EPB41L4A: variants seen among roughly 807,000 people sequenced by gnomAD.
EPB41L4A encodes the protein band 4.1-like protein 4A.
In EPB41L4A, 100 loss-of-function variants were observed where a neutral mutation model predicts 108.6. The ratio of observed to expected loss-of-function variants is 0.92; its 90% CI spans 0.78 to 1.09. The LOEUF (loss-of-function observed/expected upper bound fraction) is 1.09. EPB41L4A is among the 50% of genes least tolerant of loss of function. The probability of loss-of-function intolerance (pLI) is 0.00; values close to 1 mark genes in which losing one functional copy is unlikely to be tolerated. For missense variants in EPB41L4A, 1,030 were observed against 842.7 expected (o/e 1.22, Z -2.75); for synonymous variants, 319 against 289.0 (o/e 1.10, Z -1.05).
chr5:112,391,150 C>T (rs1404574501), intron 1 of EPB41L4A, among the ~76,000 whole-genome samples: 1 of 152,170 alleles, frequency 6.6e-6, no homozygotes, highest in African/African-American at 2.4e-5. Context: ...ATTCTAAAAA[C>T]TAGAGCGCCT....
At chr5:112,247,218 T>TCC (rs34536373) in intron 9 of EPB41L4A, among the ~76,000 whole-genome samples, 147,851 of 152,258 alleles carry the variant, frequency 0.97, 71,954 homozygotes, top group East Asian at 1. Context: ...CCCACCACTG[T>TCC]CCAATTACCT....
chr5:112,184,147 G>T lies in EPB41L4A; in HGVS notation c.1503-12C>A, dbSNP rs1049682094. 1.9e-6 allele frequency: 3 copies of T among 1,613,612 alleles called. No individual in the cohort carries two copies. The East Asian group carries it at 6.7e-5, about 36-fold the overall frequency. On this transcript the variant is annotated splice_polypyrimidine_tract_variant and intron_variant, in intron 17 of 22. Coordinates refer to ENST00000261486, the MANE Select transcript of EPB41L4A (RefSeq NM_022140.5). The stretch of plus-strand genomic sequence containing the variant: ...TCTCCTGCCGTATTCTGAAAGGAAA[G>T]CCATGCATCTGAAGTTAACATCTAC...
intron 1 of EPB41L4A, among the ~76,000 whole-genome samples, chr5:112,415,713 T>C (rs181580864): frequency 1.3e-5 from 2 of 152,216 alleles, no homozygotes; most frequent in African/African-American, 2.4e-5. Flanking sequence ...AGACCAACCA[T>C]ACCAAATATC....
At chr5:112,266,765 C>T (rs1164164285) in intron 4 of EPB41L4A, among the ~76,000 whole-genome samples, 1 of 152,218 alleles carries the variant, frequency 6.6e-6, no homozygotes, top group Admixed American at 6.5e-5. Context: ...GAAGAAATCA[C>T]AAAGACCCAA....
chr5:112,364,036 C>CATTT (rs1012928163), intron 1 of EPB41L4A, among the ~76,000 whole-genome samples: 8 of 152,200 alleles, frequency 5.3e-5, no homozygotes, highest in East Asian at 3.9e-4. Context: ...TTCATTCATT[C>CATTT]ATTTATTTTT....
At chr5:112,363,657 T>A (rs1758928233) in intron 1 of EPB41L4A, 1 of 152,354 alleles carries the variant, frequency 6.6e-6, no homozygotes, top group Non-Finnish European at 1.5e-5. Flanking sequence ...TTGGGGTCAG[T>A]CTCAGCCACC....
At chr5:112,187,306 C>T (rs2150244212) in intron 17 of EPB41L4A, among the ~76,000 whole-genome samples, 1 of 152,278 alleles carries the variant, frequency 6.6e-6, no homozygotes, top group East Asian at 1.9e-4. Flanking sequence ...GTCAATTTCT[C>T]CATCTGTAAC....
downstream of EPB41L4A, among the ~76,000 whole-genome samples, chr5:112,142,114 T>C (rs566107159): frequency 2.6e-4 from 40 of 152,300 alleles, 1 homozygote; most frequent in Non-Finnish European, 5.1e-4. Context: ...TTGAGTTTCT[T>C]TGGAGAAGGC....
intron 1 of EPB41L4A, among the ~76,000 whole-genome samples, chr5:112,333,311 G>C (rs115204919): frequency 0.014 from 2,072 of 151,994 alleles, 53 homozygotes; most frequent in African/African-American, 0.045. Context: ...TGTCAAAAAG[G>C]GGGGAAGGGA....
At chr5:112,178,192 G>C (rs1159070079) in intron 18 of EPB41L4A, among the ~76,000 whole-genome samples, 2 of 152,284 alleles carry the variant, frequency 1.3e-5, no homozygotes, top group South Asian at 2.1e-4. Context: ...TTATGCGTGT[G>C]CATGTGTAGT....
At chr5:112,150,867 T>C (rs1412549403) in intron 12 of EPB41L4A, among the ~76,000 whole-genome samples, 1 of 152,076 alleles carries the variant, frequency 6.6e-6, no homozygotes, top group African/African-American at 2.4e-5. Context: ...AAAATGAGAG[T>C]GAAACAAAGA....
At chr5:112,335,981 C>T (rs2150680295) in intron 1 of EPB41L4A, among the ~76,000 whole-genome samples, 1 of 152,124 alleles carries the variant, frequency 6.6e-6, no homozygotes, top group Middle Eastern at 3.4e-3. Flanking sequence ...CTTTTTTAAT[C>T]CATCAGGCAC....
At chr5:112,361,107 G>T (rs1187505453) in intron 1 of EPB41L4A, among the ~76,000 whole-genome samples, 1 of 152,230 alleles carries the variant, frequency 6.6e-6, no homozygotes, top group East Asian at 1.9e-4. Context: ...AAGAAAGAGA[G>T]ATCGGATTGT....
chr5:112,280,293 C>A lies in EPB41L4A; in HGVS notation c.235G>T (p.Glu79Ter). Residue 79 changes from glutamate to a stop codon, truncating the protein, a stop_gained, in exon 3 of 23, where the codon GAA (glutamate) becomes TAA (stop). Transcript: ENST00000261486. LOFTEE classifies it high-confidence loss of function. ...CTACTGTTGATCAGTTCTTTGTGTT[C>A]AGCAAGGGTTTTTGCAGGATCCAGC... The part of the protein sequence containing the change: ...YWLDPAKTLA[E>*]HKELINTGPP... The A allele has an allele frequency of 1.2e-6, 2 of 1,614,048 alleles. No homozygotes were observed. Among genetic ancestry groups the A allele is most frequent in the South Asian group, 2.2e-5 (2 of 91,078 alleles).
At chr5:112,309,985 A>T (rs1443952284) in intron 1 of EPB41L4A, among the ~76,000 whole-genome samples, 1 of 152,182 alleles carries the variant, frequency 6.6e-6, no homozygotes, top group African/African-American at 2.4e-5. Context: ...AGGGTTTGGA[A>T]GTCGATTCTT....
At chr5:112,189,125 T>C (rs1761566202) in intron 17 of EPB41L4A, among the ~76,000 whole-genome samples, 1 of 152,240 alleles carries the variant, frequency 6.6e-6, no homozygotes, top group Non-Finnish European at 1.5e-5. Flanking sequence ...AGGGAGAAAC[T>C]AGCAACATTC....
downstream of EPB41L4A, among the ~76,000 whole-genome samples, chr5:112,159,453 A>T (rs7730334): frequency 1.1e-4 from 16 of 152,138 alleles, no homozygotes; most frequent in Admixed American, 4.6e-4. Context: ...AAAAAAGCCA[A>T]TTAACAAACT....
intron 1 of EPB41L4A, among the ~76,000 whole-genome samples, chr5:112,377,168 G>A (rs1759872634): frequency 6.7e-6 from 1 of 149,018 alleles, no homozygotes; most frequent in Non-Finnish European, 1.5e-5. Context: ...TCATGCCACT[G>A]TACTTCAGCC....
chr5:112,354,619 T>C (rs1046255614), intron 1 of EPB41L4A, among the ~76,000 whole-genome samples: 7 of 152,228 alleles, frequency 4.6e-5, no homozygotes, highest in Non-Finnish European at 1.0e-4. Flanking sequence ...AGTCGAGTAA[T>C]GTTTTTCTGT....
Sources: allele counts gnomAD v4.1 joint callset (sites outside exome capture counted in the v4.1 genomes callset), GRCh38; gene constraint gnomAD v4.1.1; transcripts MANE v1.5; gene names NCBI Gene and HGNC (gene_info 2026-07-23, HGNC 2026-07-21).